The following FAM53B variants were observed in gnomAD, a reference collection of about 807,000 sequenced individuals.
FAM53B encodes the protein protein FAM53B.
A neutral mutation model predicts 32.7 loss-of-function variants in FAM53B; 12 were observed. That is an observed-to-expected ratio of 0.37 (90% CI 0.24 to 0.59). FAM53B has a LOEUF of 0.59. FAM53B is among the 20% of genes least tolerant of loss of function. FAM53B has a pLI of 0.72. For missense variants in FAM53B, 477 were observed against 577.7 expected (o/e 0.83, Z 1.79); for synonymous variants, 234 against 228.7 (o/e 1.02, Z -0.21).
At chr10:124,730,130 C>A (rs1372982136) in intron 1 of FAM53B, among the ~76,000 whole-genome samples, 2 of 152,240 alleles carry the variant, frequency 1.3e-5, no homozygotes, top group South Asian at 4.1e-4. Context: ...TGAAGTAGTT[C>A]TTTATCTGAT....
At position 124,623,073 on chromosome 10, in the gene FAM53B, G is replaced by A. The variant is rs1475529948; in HGVS notation, c.*169C>T. On this transcript the variant is annotated 3_prime_UTR_variant, in exon 5 of 5. Coordinates refer to ENST00000337318, the MANE Select transcript of FAM53B (RefSeq NM_014661.4). ...CACACCCGCTGTATGACGCGGCCAG[G>A]CCAGGCTCTCCCCCAGGCAGCAGGT... 6 of 891,204 alleles carry A rather than the reference G, an allele frequency of 6.7e-6. No individual in the cohort carries two copies. The highest frequency in any genetic ancestry group is 1.0e-5 in the Non-Finnish European group (6 of 595,750). 55.2% of individuals were successfully genotyped at this position (891,204 alleles called of 1,614,324 possible). A position where few individuals can be genotyped will look rare whatever the true frequency, so the allele number is the denominator to read the frequency against.
intron 1 of FAM53B, among the ~76,000 whole-genome samples, chr10:124,718,803 T>C (rs1258982143): frequency 6.6e-6 from 1 of 152,246 alleles, no homozygotes; most frequent in Non-Finnish European, 1.5e-5. Flanking sequence ...ATCCCTGCAC[T>C]TGGGCAGGCT....
chr10:124,707,208 T>C (rs1949966334), intron 1 of FAM53B, among the ~76,000 whole-genome samples: 1 of 152,200 alleles, frequency 6.6e-6, no homozygotes, highest in Admixed American at 6.5e-5. Context: ...TGCAGCATAC[T>C]CAAGTCATGT....
At chr10:124,687,840 G>C (rs1949811902) in intron 3 of FAM53B, among the ~76,000 whole-genome samples, 1 of 152,232 alleles carries the variant, frequency 6.6e-6, no homozygotes, top group African/African-American at 2.4e-5. Flanking sequence ...ATGACATGGA[G>C]AACTGAGTTC....
chr10:124,727,344 GTGC>G (rs1564889460), intron 1 of FAM53B, among the ~76,000 whole-genome samples: 14 of 54,250 alleles, frequency 2.6e-4, no homozygotes, highest in African/African-American at 5.4e-4. Flanking sequence ...GGGGGGGGGG[GTGC>G]GGGGGTACAA....
intron 1 of FAM53B, among the ~76,000 whole-genome samples, chr10:124,712,150 T>C (rs1950008572): frequency 6.6e-6 from 1 of 151,508 alleles, no homozygotes; most frequent in Non-Finnish European, 1.5e-5. Flanking sequence ...AAGTCAGGAG[T>C]TCAAGACCAG....
chr10:124,656,179 C>T (rs1228660967), intron 4 of FAM53B, among the ~76,000 whole-genome samples: 1 of 152,264 alleles, frequency 6.6e-6, no homozygotes, highest in Non-Finnish European at 1.5e-5. Flanking sequence ...CCCACTGGAA[C>T]AGGGCAAGGC....
At position 124,676,128 on chromosome 10, in the gene FAM53B, A is replaced by G. The variant is rs572576849; in HGVS notation, c.906+5479T>C. Among the ~76,000 whole-genome samples, 5 of 152,340 alleles carry G rather than the reference A, an allele frequency of 3.3e-5. No individual in the cohort carries two copies. The East Asian group carries it at 9.6e-4, about 29-fold the overall frequency. Reference sequence around the variant, plus strand: ...AGGCTCTCTTCCTTTGTTCAAGCCTATCCTAACTATCTCTAAGTCAGAAGC... The same window carrying G: ...AGGCTCTCTTCCTTTGTTCAAGCCTGTCCTAACTATCTCTAAGTCAGAAGC... On this transcript the variant is annotated intron_variant, in intron 4 of 4. Transcript: ENST00000337318.
intron 3 of FAM53B, among the ~76,000 whole-genome samples, chr10:124,689,469 G>A (rs572231401): frequency 3.9e-5 from 6 of 152,214 alleles, no homozygotes; most frequent in East Asian, 1.9e-4. Context: ...TCCTGCCCAC[G>A]CACCTGGGAT....
At chr10:124,693,734 C>A (rs1949850276) in intron 3 of FAM53B, among the ~76,000 whole-genome samples, 1 of 152,176 alleles carries the variant, frequency 6.6e-6, no homozygotes, top group Admixed American at 6.5e-5. Flanking sequence ...GGAAACCTAG[C>A]CGGGAAGATG....
chr10:124,662,627 G>A (rs1276637070), intron 4 of FAM53B, among the ~76,000 whole-genome samples: 1 of 152,030 alleles, frequency 6.6e-6, no homozygotes, highest in Admixed American at 6.6e-5. Flanking sequence ...ACTAGCCTAA[G>A]CAACATAGCA....
intron 4 of FAM53B, among the ~76,000 whole-genome samples, chr10:124,677,456 C>T (rs1949743640): frequency 6.6e-6 from 1 of 152,276 alleles, no homozygotes; most frequent in African/African-American, 2.4e-5. Flanking sequence ...GCAGGGATCG[C>T]AGCATAGCCA....
rs184832424 is a variant in FAM53B, at chr10:124,726,187, T to G, written c.-175+17826A>C. 7.0e-4 allele frequency among the ~76,000 whole-genome samples: 107 copies of G among 152,274 alleles called. 1 individual carries two copies. The highest frequency in any genetic ancestry group is 2.3e-3 in the African/African-American group (97 of 41,546). ...ATTTGGTACCTAGAACCCTAGTAACTGGGAGGACAATTTTGCACATGAGAA... is the reference window on the plus strand; with the variant it reads ...ATTTGGTACCTAGAACCCTAGTAACGGGGAGGACAATTTTGCACATGAGAA... On this transcript the variant is annotated intron_variant, in intron 1 of 4. Transcript: ENST00000337318.
chr10:124,623,919 C>T (rs1949329166), intron 4 of FAM53B: 1 of 316,822 alleles, frequency 3.2e-6, no homozygotes. Flanking sequence ...ACACTTCGTC[C>T]ACAGCCTTTC....
chr10:124,676,801 G>A (rs1949739311), intron 4 of FAM53B, among the ~76,000 whole-genome samples: 2 of 152,046 alleles, frequency 1.3e-5, no homozygotes, highest in Non-Finnish European at 2.9e-5. Flanking sequence ...TCCCAAAGAC[G>A]TGCTGGCATG....
intron 4 of FAM53B, chr10:124,624,126 A>G (rs1949330226): frequency 6.5e-6 from 1 of 153,912 alleles, no homozygotes; most frequent in South Asian, 2.0e-4. Flanking sequence ...CTCTATGCAA[A>G]CATAACTGAC....
At chr10:124,700,103 G>A (rs929666002) in intron 2 of FAM53B, among the ~76,000 whole-genome samples, 1 of 152,234 alleles carries the variant, frequency 6.6e-6, no homozygotes. Context: ...GGCCAGGCCA[G>A]AATGTCATGT....
At position 124,724,823 on chromosome 10, in the gene FAM53B, G is replaced by A. The variant is rs58957830; in HGVS notation, c.-174-17936C>T. 2.6e-4 allele frequency among the ~76,000 whole-genome samples: 39 copies of A among 152,308 alleles called. No individual in the cohort carries two copies. In the East Asian group the frequency reaches 7.1e-3, roughly 28 times the overall value. ...ACACAGCCCCATACGAGAATGTCAC[G>A]ATCATCTCAGACTCCCGAGTTACAA... On this transcript the variant is annotated intron_variant, in intron 1 of 4. Transcript: ENST00000337318.
In FAM53B at chr10:124,623,186, C is replaced by A; in HGVS notation, c.*56G>T. 1 of 1,517,166 alleles carries A rather than the reference C, an allele frequency of 6.6e-7. No individual in the cohort carries two copies. Among genetic ancestry groups the A allele is most frequent in the Non-Finnish European group, 8.8e-7 (1 of 1,132,492 alleles). 94.0% of individuals were successfully genotyped at this position (1,517,166 alleles called of 1,614,324 possible). A position where few individuals can be genotyped will look rare whatever the true frequency, so the allele number is the denominator to read the frequency against. On this transcript the variant is annotated 3_prime_UTR_variant, in exon 5 of 5. Transcript: ENST00000337318. ...CCCCTTCAAGGGCCCACCTAGTGCC[C>A]AGAGTGGGGGCTGTCGATGCCAGCA...
Sources: gnomAD v4.1 joint callset for allele counts (sites outside exome capture counted in the v4.1 genomes callset) on GRCh38, gnomAD v4.1.1 for gene constraint, MANE v1.5 for transcripts, NCBI Gene and HGNC (gene_info 2026-07-23, HGNC 2026-07-21) for gene names.